Variants in CFH observed in about 807,000 individuals in gnomAD.
CFH encodes the protein complement factor H, also known as H factor 1 (complement).
In CFH, 53 loss-of-function variants were observed where a neutral mutation model predicts 147.3. That is an observed-to-expected ratio of 0.36 (90% CI 0.29 to 0.45). The LOEUF is 0.45. CFH is among the 20% of genes least tolerant of loss of function. The pLI is 1.00. For synonymous variants in CFH, 536 were observed against 489.4 expected (o/e 1.10, Z -1.26); for missense variants, 1,380 against 1,498.0 (o/e 0.92, Z 1.30).
chr1:196,670,404 C>T (rs1667237149), intron 1 of CFH, among the ~76,000 whole-genome samples: 1 of 152,104 alleles, frequency 6.6e-6, no homozygotes. Context: ...AAATTGTAAT[C>T]ACCATAATCC....
intron 17 of CFH, among the ~76,000 whole-genome samples, chr1:196,739,966 A>G (rs1001827935): frequency 1.2e-4 from 19 of 152,208 alleles, no homozygotes; most frequent in Admixed American, 6.5e-4. Flanking sequence ...TGGAAGGGTA[A>G]GCAAACATGT....
intron 7 of CFH, among the ~76,000 whole-genome samples, chr1:196,686,624 T>C (rs1371371093): frequency 6.6e-6 from 1 of 152,148 alleles, no homozygotes; most frequent in Non-Finnish European, 1.5e-5. Flanking sequence ...ATTCCTGGCA[T>C]AATTCCAATC....
chr1:196,689,594 C>T lies in CFH; in HGVS notation c.1139C>T (p.Ser380Leu), dbSNP rs533322868. The T allele has an allele frequency of 3.1e-6, 5 of 1,613,342 alleles. No homozygotes were observed. The South Asian group carries it at 3.3e-5, about 11-fold the overall frequency. ...DHIHCTQDGWSPAVPCLRKCY... is the reference protein window; with the variant it reads ...DHIHCTQDGWLPAVPCLRKCY... Reference sequence around the variant, plus strand: ...ATTCATTGCACACAAGATGGATGGTCGCCAGCAGTACCATGCCTCAGTAAG... The same window carrying T: ...ATTCATTGCACACAAGATGGATGGTTGCCAGCAGTACCATGCCTCAGTAAG... Residue 380 changes from serine to leucine, a missense_variant, in exon 8 of 22, where the codon TCG (serine) becomes TTG (leucine). Coordinates refer to ENST00000367429, the MANE Select transcript of CFH (RefSeq NM_000186.4).
Position 196,747,349 on chromosome 1 carries a change from T to G in CFH, c.*36T>G, listed in dbSNP as rs756486850. 4 of 1,612,958 alleles carry G rather than the reference T, an allele frequency of 2.5e-6. No individual in the cohort carries two copies. The highest frequency in any genetic ancestry group is 3.4e-6 in the Non-Finnish European group (4 of 1,178,970). ...AAAGTGCACACCTTTATTCAGAACT[T>G]TAGTATTAAATCAGTTCTCAATTTC... On this transcript the variant is annotated 3_prime_UTR_variant, in exon 22 of 22. Transcript: ENST00000367429.
intron 1 of CFH, among the ~76,000 whole-genome samples, chr1:196,670,697 A>G (rs981340981): frequency 2.0e-5 from 3 of 152,136 alleles, no homozygotes; most frequent in Non-Finnish European, 4.4e-5. Flanking sequence ...ATTTCTTCAT[A>G]GCTGTGCAAA....
chr1:196,675,842 A>G, intron 3 of CFH, 147 bp from the exon 4 acceptor site: 3 of 548,632 alleles, frequency 5.5e-6, no homozygotes, highest in Admixed American at 5.9e-5. Context: ...GGAGGAAGGA[A>G]AAACAAACAA....
At chr1:196,652,804 G>A (rs1295518307) in intron 1 of CFH, among the ~76,000 whole-genome samples, 1 of 151,816 alleles carries the variant, frequency 6.6e-6, no homozygotes, top group Non-Finnish European at 1.5e-5. Context: ...TATTCTTGAA[G>A]AGCAGTCTTT....
intron 15 of CFH, among the ~76,000 whole-genome samples, chr1:196,733,985 C>T (rs545454665): frequency 1.3e-3 from 196 of 152,190 alleles, no homozygotes; most frequent in African/African-American, 4.5e-3. Flanking sequence ...CTCTTCAGCA[C>T]TTGTATCATA....
At chr1:196,720,254 A>C (rs1668968258) in intron 11 of CFH, among the ~76,000 whole-genome samples, 1 of 151,908 alleles carries the variant, frequency 6.6e-6, no homozygotes, top group Non-Finnish European at 1.5e-5. Context: ...ATGGTGTTTT[A>C]TGATGTGTTC....
chr1:196,679,244 A>C (rs1667567704), intron 5 of CFH: 3 of 167,370 alleles, frequency 1.8e-5, no homozygotes. Flanking sequence ...GTCTTTGACA[A>C]AAAGTCCTGT....
intron 9 of CFH, among the ~76,000 whole-genome samples, chr1:196,698,886 T>A (rs140426313): frequency 2.4e-3 from 363 of 152,266 alleles, no homozygotes; most frequent in Middle Eastern, 6.8e-3. Context: ...CATGAGCAAG[T>A]CGCCATTATC....
At chr1:196,707,207 C>A (rs1405362904) in intron 9 of CFH, among the ~76,000 whole-genome samples, 1 of 152,140 alleles carries the variant, frequency 6.6e-6, no homozygotes. Flanking sequence ...AACTAACAAC[C>A]TGGAATAACA....
At chr1:196,701,767 C>T (rs1265200673) in intron 9 of CFH, among the ~76,000 whole-genome samples, 3 of 152,148 alleles carry the variant, frequency 2.0e-5, no homozygotes, top group African/African-American at 4.8e-5. Flanking sequence ...AGGGCTGTCC[C>T]TTAGTTCTCC....
At chr1:196,653,176 T>C (rs1354262685) in intron 1 of CFH, among the ~76,000 whole-genome samples, 1 of 151,800 alleles carries the variant, frequency 6.6e-6, no homozygotes, top group East Asian at 1.9e-4. Flanking sequence ...CTTATAGTTA[T>C]ACACTTTGGT....
chr1:196,701,761 C>T (rs1668462776), intron 9 of CFH, among the ~76,000 whole-genome samples: 1 of 152,136 alleles, frequency 6.6e-6, no homozygotes. Context: ...GAACTAAGGG[C>T]TGTCCCTTAG....
chr1:196,716,923 T>C (rs1211083087), intron 11 of CFH, among the ~76,000 whole-genome samples: 2 of 151,908 alleles, frequency 1.3e-5, no homozygotes, highest in East Asian at 3.9e-4. Context: ...AGAGAGGAGA[T>C]ATGCATTTCG....
intron 9 of CFH, among the ~76,000 whole-genome samples, chr1:196,707,784 C>A (rs1459479636): frequency 6.6e-6 from 1 of 152,108 alleles, no homozygotes; most frequent in Non-Finnish European, 1.5e-5. Flanking sequence ...TGAAATTAGA[C>A]AAAACATATG....
Position 196,715,632 on chromosome 1 carries a change from A to G in CFH, c.1559A>G (p.Lys520Arg). The part of the protein sequence containing the change: ...DIPVFMNART[K>R]NDFTWFKLND... ...CCAGTATTTATGAATGCCAGAACTA[A>G]AAATGACTTCACATGGTTTAAGCTG... Residue 520 changes from lysine to arginine, a missense_variant, in exon 11 of 22, where the codon AAA (lysine) becomes AGA (arginine). Physicochemically the swap from Lys to Arg is conservative, Grantham distance 26. Transcript: ENST00000367429. 1.9e-6 allele frequency: 3 copies of G among 1,612,818 alleles called. No homozygotes were observed. The highest frequency in any genetic ancestry group is 2.5e-6 in the Non-Finnish European group (3 of 1,179,206).
At chr1:196,684,589 G>A (rs747516145) in intron 6 of CFH, among the ~76,000 whole-genome samples, 15 of 151,830 alleles carry the variant, frequency 9.9e-5, no homozygotes, top group Non-Finnish European at 2.1e-4. Flanking sequence ...TCTCTCTAAA[G>A]TGGAAGATAT....
Sources: allele counts gnomAD v4.1 joint callset (sites outside exome capture counted in the v4.1 genomes callset), GRCh38; gene constraint gnomAD v4.1.1; transcripts MANE v1.5; gene names NCBI Gene and HGNC (gene_info 2026-07-23, HGNC 2026-07-21).